Variants in TBC1D31 observed in about 807,000 individuals in gnomAD.
The protein encoded by TBC1D31 is TBC1 domain family member 31, also known as WD repeat domain 67.
TBC1D31 carries 99 observed loss-of-function variants against 132.9 expected under a neutral mutation model. The ratio of observed to expected loss-of-function variants is 0.74; its 90% CI spans 0.63 to 0.88. The LOEUF (loss-of-function observed/expected upper bound fraction) is 0.88. Among genes scored for constraint, TBC1D31 ranks in the 40% least tolerant of loss-of-function variants. TBC1D31 has a pLI of 0.00. For missense variants in TBC1D31, 1,134 were observed against 1,256.6 expected (o/e 0.90, Z 1.48); for synonymous variants, 385 against 419.4 (o/e 0.92, Z 1.00).
intron 6 of TBC1D31, among the ~76,000 whole-genome samples, chr8:123,099,184 A>T (rs1817120258): frequency 6.6e-6 from 1 of 152,084 alleles, no homozygotes; most frequent in African/African-American, 2.4e-5. Context: ...CAGTGGCATG[A>T]TCTCGGCTCA....
At chr8:123,096,818 G>A (rs1292328023) in intron 5 of TBC1D31, among the ~76,000 whole-genome samples, 1 of 152,196 alleles carries the variant, frequency 6.6e-6, no homozygotes, top group Non-Finnish European at 1.5e-5. Flanking sequence ...TATTAAGGTA[G>A]CTTTCTTTGA....
intron 10 of TBC1D31, among the ~76,000 whole-genome samples, chr8:123,117,745 T>C (rs1586662953): frequency 2.3e-5 from 2 of 87,006 alleles, no homozygotes; most frequent in African/African-American, 4.9e-5. Flanking sequence ...AGAGCGAAAC[T>C]CCGTCTCAAA....
intron 4 of TBC1D31, among the ~76,000 whole-genome samples, chr8:123,088,678 A>G (rs1381936885): frequency 1.3e-5 from 2 of 152,190 alleles, no homozygotes; most frequent in African/African-American, 4.8e-5. Context: ...TATATTTTAA[A>G]TAGAACTTTT....
At chr8:123,152,926 G>A (rs993718182), downstream of TBC1D31, among the ~76,000 whole-genome samples, 1 of 152,188 alleles carries the variant, frequency 6.6e-6, no homozygotes, top group East Asian at 1.9e-4. Flanking sequence ...TTGACACATA[G>A]TAAGTATATA....
intron 8 of TBC1D31, among the ~76,000 whole-genome samples, chr8:123,108,740 C>A (rs1290097866): frequency 6.6e-6 from 1 of 152,058 alleles, no homozygotes; most frequent in Non-Finnish European, 1.5e-5. Flanking sequence ...TGAGACTGAG[C>A]AATTTATAAA....
At chr8:123,121,924 C>G (rs901655828) in intron 11 of TBC1D31, among the ~76,000 whole-genome samples, 1 of 152,090 alleles carries the variant, frequency 6.6e-6, no homozygotes, top group Non-Finnish European at 1.5e-5. Flanking sequence ...TACAAATGAC[C>G]ATCAAGCATA....
chr8:123,131,183 G>C, intron 16 of TBC1D31, among the ~76,000 whole-genome samples: 1 of 151,436 alleles, frequency 6.6e-6, no homozygotes, highest in Non-Finnish European at 1.5e-5. Flanking sequence ...GGCCAACATG[G>C]TGAAACCCTG....
chr8:123,100,864 A>G lies in TBC1D31; in HGVS notation c.889A>G (p.Lys297Glu). ...GAGATTTATCAATATGCAGACTTGT[A>G]AACTTCTCTTTGAGATTGGGAGCCT... Reference protein sequence around the residue: ...IMRFINMQTCKLLFEIGSLDE... With the variant: ...IMRFINMQTCELLFEIGSLDE... Residue 297 changes from lysine (K) to glutamate (E), a missense_variant, in exon 7 of 22, where the codon AAA becomes GAA. Transcript: ENST00000287380. The G allele has an allele frequency of 1.2e-6, 2 of 1,614,028 alleles. No homozygotes were observed. Among genetic ancestry groups the G allele is most frequent in the Non-Finnish European group, 1.7e-6 (2 of 1,179,938 alleles).
intron 1 of TBC1D31, among the ~76,000 whole-genome samples, chr8:123,073,747 G>A (rs567562238): frequency 3.3e-5 from 5 of 152,258 alleles, no homozygotes; most frequent in African/African-American, 1.2e-4. Context: ...GTGCAGTGGC[G>A]CGACCTCGGC....
At chr8:123,106,747 T>C (rs2130487524) in intron 8 of TBC1D31, among the ~76,000 whole-genome samples, 1 of 152,330 alleles carries the variant, frequency 6.6e-6, no homozygotes. Context: ...GTATCCTGTG[T>C]CAGGTAGCTG....
At chr8:123,134,558 G>A (rs1044829063) in intron 17 of TBC1D31, among the ~76,000 whole-genome samples, 2 of 151,860 alleles carry the variant, frequency 1.3e-5, no homozygotes, top group South Asian at 2.1e-4. Context: ...AGAAAAGCAG[G>A]GTTTGTATAA....
intron 20 of TBC1D31, among the ~76,000 whole-genome samples, chr8:123,147,617 G>C (rs755223503): frequency 6.6e-6 from 1 of 152,000 alleles, no homozygotes; most frequent in Non-Finnish European, 1.5e-5. Flanking sequence ...TCTTCCCTTC[G>C]TGCTAAATTT....
At chr8:123,128,563 A>G in intron 14 of TBC1D31, 50 bp downstream of exon 14, 1 of 1,360,918 alleles carries the variant, frequency 7.3e-7, no homozygotes, top group Non-Finnish European at 1.0e-6. Context: ...ATATGTTATA[A>G]ACATAAGAAA....
chr8:123,151,764 C>A, intron 21 of TBC1D31, 42 bp from the exon 22 acceptor site: 1 of 1,523,744 alleles, frequency 6.6e-7, no homozygotes, highest in Non-Finnish European at 8.7e-7. Flanking sequence ...CCGCTAACAT[C>A]AGAAAACTCA....
Position 123,097,351 on chromosome 8 carries a change from G to T in TBC1D31, c.741G>T (p.Gln247His). The T allele has an allele frequency of 6.2e-7, 1 of 1,614,140 alleles. No homozygotes were observed. Among genetic ancestry groups the T allele is most frequent in the South Asian group, 1.1e-5 (1 of 91,086 alleles). Residue 247 changes from glutamine (Q) to histidine (H), a missense_variant, in exon 6 of 22, where the codon CAG becomes CAT. Physicochemically the swap from Gln to His is conservative, Grantham distance 24. Coordinates refer to ENST00000287380, the MANE Select transcript of TBC1D31 (RefSeq NM_145647.4). ...HLHLWCLEAR[Q>H]LFRIIQMPTK... The stretch of plus-strand genomic sequence containing the variant: ...ATTTGTGGTGCTTGGAAGCTAGGCA[G>T]CTCTTTAGAATTATCCAGATGCCCA...
At chr8:123,157,443 C>G in the TBC1D31 span, among the ~76,000 whole-genome samples, 1 of 152,290 alleles carries the variant, frequency 6.6e-6, no homozygotes, top group South Asian at 2.1e-4. Context: ...GCCCCTGTCC[C>G]GTTTGTCAAT....
rs191560349 is a variant in TBC1D31, at chr8:123,091,389, T to A, written c.520-2202T>A. Among the ~76,000 whole-genome samples the A allele has an allele frequency of 1.6e-4, 24 of 152,326 alleles. No individual in the cohort carries two copies. In the East Asian group the frequency reaches 4.2e-3, roughly 27 times the overall value. ...AAATGACTGCTAATTATAATAATAA[T>A]TTTCTTAAGTCACTTTTTGACATCA... is the stretch of plus-strand genomic sequence containing the variant. On this transcript the variant is annotated intron_variant, in intron 4 of 21. Transcript: ENST00000287380.
rs763866746 is a variant in TBC1D31, at chr8:123,084,200, T to G, written c.379T>G (p.Ser127Ala). 9 of 1,614,084 alleles carry G rather than the reference T, an allele frequency of 5.6e-6. No homozygotes were observed. The change falls in exon 4 of 22, where the codon TCA (serine) becomes GCA (alanine). Residue 127 changes from serine (S) to alanine (A), a missense_variant. Coordinates refer to ENST00000287380, the MANE Select transcript of TBC1D31 (RefSeq NM_145647.4). The part of the protein sequence containing the change: ...ELVSWMRGHE[S>A]SVFSISVHAS... ...AGTTAGCTGGATGAGAGGACATGAA[T>G]CATCAGTATTTTCGATCTCTGTGCA...
the TBC1D31 span, among the ~76,000 whole-genome samples, chr8:123,158,822 C>T: frequency 6.6e-6 from 1 of 151,952 alleles, no homozygotes; most frequent in East Asian, 1.9e-4. Context: ...TGGGAGCTGC[C>T]GGGCGGGTGG....
Sources: allele counts gnomAD v4.1 joint callset (sites outside exome capture counted in the v4.1 genomes callset), GRCh38; gene constraint gnomAD v4.1.1; transcripts MANE v1.5; gene names NCBI Gene and HGNC (gene_info 2026-07-23, HGNC 2026-07-21).